Variants in PDE8B observed in about 807,000 individuals in gnomAD.
The protein encoded by PDE8B is phosphodiesterase 8B.
A neutral mutation model predicts 101.3 loss-of-function variants in PDE8B; 26 were observed. That is an observed-to-expected ratio of 0.26 (90% CI 0.19 to 0.36). PDE8B has a LOEUF of 0.36. Among genes scored for constraint, PDE8B ranks in the 10% least tolerant of loss-of-function variants. PDE8B has a pLI of 1.00. For missense variants in PDE8B, 810 were observed against 1,163.1 expected, an observed-to-expected ratio of 0.70 and a Z score of 4.42; for synonymous variants, 424 against 429.3, an observed-to-expected ratio of 0.99 and a Z score of 0.15.
chr5:77,313,114 C>A (rs1331586799), intron 2 of PDE8B, among the ~76,000 whole-genome samples: 2 of 152,096 alleles, frequency 1.3e-5, no homozygotes, highest in Admixed American at 1.3e-4. Flanking sequence ...CTTATTAGCA[C>A]CTGGAATCTT....
intron 1 of PDE8B, among the ~76,000 whole-genome samples, chr5:77,284,020 AT>A (rs1384129348): frequency 2.6e-5 from 4 of 152,120 alleles, no homozygotes; most frequent in Admixed American, 6.5e-5. Flanking sequence ...CAATTTTTCC[AT>A]TATAATAGGT....
intron 10 of PDE8B, among the ~76,000 whole-genome samples, chr5:77,393,456 C>T (rs1790383502): frequency 6.6e-6 from 1 of 151,674 alleles, no homozygotes; most frequent in Non-Finnish European, 1.5e-5. Context: ...CTAAGTTTTT[C>T]TCTCTCCAGT....
At chr5:77,419,982 A>G in intron 19 of PDE8B, 95 bp downstream of exon 19, 1 of 1,421,858 alleles carries the variant, frequency 7.0e-7, no homozygotes, top group Admixed American at 1.7e-5. Flanking sequence ...ACTCAAATGT[A>G]AGGTGGTTAT....
At chr5:77,404,363 A>T (rs918501600) in intron 11 of PDE8B, among the ~76,000 whole-genome samples, 2 of 151,860 alleles carry the variant, frequency 1.3e-5, no homozygotes, top group African/African-American at 4.8e-5. Context: ...ACCTCAGGTG[A>T]TCCACCCGCC....
At chr5:77,372,532 C>A (rs1218313035) in intron 10 of PDE8B, among the ~76,000 whole-genome samples, 1 of 152,180 alleles carries the variant, frequency 6.6e-6, no homozygotes, top group African/African-American at 2.4e-5. Flanking sequence ...TAGAATTCAC[C>A]TGTGAAGGTA....
intron 1 of PDE8B, among the ~76,000 whole-genome samples, chr5:77,228,815 T>C (rs932266762): frequency 2.0e-5 from 3 of 152,232 alleles, no homozygotes; most frequent in African/African-American, 7.2e-5. Flanking sequence ...CAAGTTGTGG[T>C]TTCATTAGTA....
At chr5:77,335,679 T>TA (rs1482265756) in intron 5 of PDE8B, among the ~76,000 whole-genome samples, 1 of 152,174 alleles carries the variant, frequency 6.6e-6, no homozygotes, top group Admixed American at 6.5e-5. Flanking sequence ...CTCCTCCACT[T>TA]ATATAGCTAC....
At chr5:77,165,999 A>T in the PDE8B span, among the ~76,000 whole-genome samples, 2 of 69,754 alleles carry the variant, frequency 2.9e-5, no homozygotes, top group Non-Finnish European at 7.7e-5. Flanking sequence ...AAAGAAAAAG[A>T]AAAAAAAAAG....
chr5:77,162,622 T>C, the PDE8B span, among the ~76,000 whole-genome samples: 1 of 152,188 alleles, frequency 6.6e-6, no homozygotes, highest in African/African-American at 2.4e-5. Flanking sequence ...ACCAGTTGAT[T>C]TTTGACCAAA....
chr5:77,274,042 G>A (rs984824605), intron 1 of PDE8B, among the ~76,000 whole-genome samples: 5 of 151,986 alleles, frequency 3.3e-5, no homozygotes, highest in African/African-American at 1.2e-4. Context: ...GGCTGGTCTC[G>A]AACTCCCGAC....
chr5:77,116,224 A>ATATATTTT, the PDE8B span, among the ~76,000 whole-genome samples: 1 of 59,610 alleles, frequency 1.7e-5, no homozygotes, highest in African/African-American at 7.2e-5. Flanking sequence ...ATATATATAT[A>ATATATTTT]TTTTTTTTTT....
intron 10 of PDE8B, among the ~76,000 whole-genome samples, chr5:77,354,206 A>G (rs1226455642): frequency 1.3e-5 from 2 of 152,210 alleles, no homozygotes; most frequent in Non-Finnish European, 2.9e-5. Context: ...AAGCCCAGCC[A>G]GGCCTGGAGA....
At chr5:77,278,595 G>C (rs974228866) in intron 1 of PDE8B, among the ~76,000 whole-genome samples, 4 of 151,880 alleles carry the variant, frequency 2.6e-5, no homozygotes, top group African/African-American at 9.7e-5. Context: ...TCAGCCTCCC[G>C]AGTAGCTGGG....
rs1219015261 is a variant in PDE8B, at chr5:77,413,217, A to G, written c.1819A>G (p.Asn607Asp). 6.2e-7 allele frequency: 1 copy of G among 1,613,956 alleles called. No homozygotes were observed. Among genetic ancestry groups the G allele is most frequent in the Non-Finnish European group, 8.5e-7 (1 of 1,179,922 alleles). The change falls in exon 17 of 22, where the codon AAC becomes GAC. Residue 607 changes from asparagine (N) to aspartate (D), a missense_variant. Asn to Asp is a conservative substitution (Grantham distance 23, BLOSUM62 1). Around this residue, in one of 4 missense-constraint regions of PDE8B, gnomAD observed 325 missense variants for 560.9 expected, o/e 0.58. Coordinates refer to ENST00000264917, the MANE Select transcript of PDE8B (RefSeq NM_003719.5). ...LRAWFQVIEA[N>D]YHSSNAYHNS... ...GGCCTGGTTCCAAGTGATCGAAGCC[A>G]ACTACCACTCTTCCAATGCCTACCA...
At chr5:77,412,661 GTT>G in intron 16 of PDE8B, among the ~76,000 whole-genome samples, 1 of 152,006 alleles carries the variant, frequency 6.6e-6, no homozygotes, top group Non-Finnish European at 1.5e-5. Flanking sequence ...GTGTTGGTCT[GTT>G]GGATATGAAA....
At chr5:77,311,802 CT>C (rs11413850) in intron 1 of PDE8B, among the ~76,000 whole-genome samples, 191 bp from the exon 2 acceptor site, 7 of 151,046 alleles carry the variant, frequency 4.6e-5, no homozygotes, top group African/African-American at 1.2e-4. Flanking sequence ...TAAATGGATA[CT>C]TTTTTTTTAA....
chr5:77,386,227 G>A (rs1328047459), intron 10 of PDE8B, among the ~76,000 whole-genome samples: 1 of 152,148 alleles, frequency 6.6e-6, no homozygotes, highest in Non-Finnish European at 1.5e-5. Flanking sequence ...TAAGTGTGAT[G>A]TGGTGCTGAG....
At chr5:77,315,346 C>A (rs1773574091) in intron 2 of PDE8B, among the ~76,000 whole-genome samples, 2 of 152,136 alleles carry the variant, frequency 1.3e-5, no homozygotes, top group Non-Finnish European at 2.9e-5. Context: ...ATATGGGTGT[C>A]AAGGCTGATC....
chr5:77,418,488 T>C, intron 18 of PDE8B, 42 bp downstream of exon 18: 1 of 1,432,470 alleles, frequency 7.0e-7, no homozygotes, highest in Non-Finnish European at 9.8e-7. Context: ...TTGTGAAGTT[T>C]AAGTGGTTTT....
Sources: allele counts gnomAD v4.1 joint callset (sites outside exome capture counted in the v4.1 genomes callset), GRCh38; gene constraint gnomAD v4.1.1; regional missense constraint gnomAD v4.1.1; transcripts MANE v1.5; gene names NCBI Gene and HGNC (gene_info 2026-07-23, HGNC 2026-07-21).